The following CCDC85C variants were observed in gnomAD, a reference collection of about 807,000 sequenced individuals.
CCDC85C encodes the protein coiled-coil domain-containing protein 85C.
In CCDC85C, 18 loss-of-function variants were observed where a neutral mutation model predicts 38.3. That is an observed-to-expected ratio of 0.47 (90% confidence interval 0.33 to 0.70). CCDC85C has a LOEUF of 0.70. CCDC85C is among the 30% of genes least tolerant of loss of function. The pLI is 0.03. For synonymous variants in CCDC85C, 264 were observed against 293.8 expected, an observed-to-expected ratio of 0.90 and a Z score of 1.04; for missense variants, 566 against 621.2, an observed-to-expected ratio of 0.91 and a Z score of 0.94.
chr14:99,511,100 C>G lies in CCDC85C; in HGVS notation c.*4146G>C, dbSNP rs2139889186. 1 of 213,542 alleles carries G rather than the reference C, an allele frequency of 4.7e-6. No individual in the cohort carries two copies. Among genetic ancestry groups the G allele is most frequent in the Non-Finnish European group, 9.2e-6 (1 of 108,522 alleles). The allele number at this position is 213,542 out of a possible 1,614,324, so 13.2% of individuals were successfully genotyped here. A position where few individuals can be genotyped will look rare whatever the true frequency, so the allele number is the denominator to read the frequency against. On this transcript the variant is annotated 3_prime_UTR_variant, in exon 6 of 6. Coordinates refer to ENST00000380243, the MANE Select transcript of CCDC85C (RefSeq NM_001144995.2). Reference sequence around the variant, plus strand: ...CCAGCCATATTGGCTCAATAAATAGCTTCGGTAAGGAGTTAATTTCCTTCT... The same window carrying G: ...CCAGCCATATTGGCTCAATAAATAGGTTCGGTAAGGAGTTAATTTCCTTCT...
Position 99,511,024 on chromosome 14 carries a change from T to C in CCDC85C, c.*4222A>G. The C allele has an allele frequency of 8.5e-6, 3 of 353,234 alleles. No individual in the cohort carries two copies. The Admixed American group carries it at 1.4e-4, about 16-fold the overall frequency. 21.9% of individuals were successfully genotyped at this position (353,234 alleles called of 1,614,324 possible). On this transcript the variant is annotated 3_prime_UTR_variant, in exon 6 of 6. Transcript: ENST00000380243. The stretch of plus-strand genomic sequence containing the variant: ...TCTGACTGTGTACACTTGGTTCAGC[T>C]AATGTCTGAGAGTCCTGCACTGGGT...
chr14:99,556,143 G>C (rs899351443), intron 1 of CCDC85C, among the ~76,000 whole-genome samples: 2 of 152,256 alleles, frequency 1.3e-5, no homozygotes, highest in Admixed American at 1.3e-4. Flanking sequence ...CTCAGGCCGG[G>C]TGCAGTGGCT....
rs1052634716 is a variant in CCDC85C at position 99,513,323 on chromosome 14, GC to G, written c.*1922del. 1.3e-5 allele frequency: 2 copies of G among 152,228 alleles called. No homozygotes were observed. Among genetic ancestry groups the G allele is most frequent in the African/African-American group, 4.8e-5 (2 of 41,458 alleles). The allele number at this position is 152,228 out of a possible 1,614,324, so 9.4% of individuals were successfully genotyped here. ...TCTTTGGACTGCAAGACCCAGAGGG[GC>G]CTCTGCTCAGCTGCCCACTCGGGCA... On this transcript the variant is annotated 3_prime_UTR_variant, in exon 6 of 6. Transcript: ENST00000380243.
At chr14:99,601,324 C>T (rs896575220) in intron 1 of CCDC85C, among the ~76,000 whole-genome samples, 1 of 152,170 alleles carries the variant, frequency 6.6e-6, no homozygotes, top group Non-Finnish European at 1.5e-5. Context: ...CCCACTGACC[C>T]CCAGTGGGGT....
intron 2 of CCDC85C, among the ~76,000 whole-genome samples, chr14:99,525,669 G>A (rs1897370318): frequency 6.6e-6 from 1 of 152,244 alleles, no homozygotes; most frequent in Non-Finnish European, 1.5e-5. Context: ...GGGAGTGAGG[G>A]CTGGGGGTGC....
chr14:99,590,871 C>T (rs993841346), intron 1 of CCDC85C, among the ~76,000 whole-genome samples: 2 of 152,200 alleles, frequency 1.3e-5, no homozygotes, highest in African/African-American at 4.8e-5. Flanking sequence ...AGGAAAGCAC[C>T]ACAAGGCTGC....
chr14:99,528,480 T>C (rs1046175700), intron 2 of CCDC85C, among the ~76,000 whole-genome samples: 2 of 152,182 alleles, frequency 1.3e-5, no homozygotes, highest in Non-Finnish European at 1.5e-5. Flanking sequence ...AGACCTGCCA[T>C]GTGCCCGGCA....
rs74081957 is a variant in CCDC85C at position 99,555,975 on chromosome 14, A to G, written c.794-19887T>C. On this transcript the variant is annotated intron_variant, in intron 1 of 5. Coordinates refer to ENST00000380243, the MANE Select transcript of CCDC85C (RefSeq NM_001144995.2). ...CTGAACCTAATGACACGGAAACATC[A>G]GACAGCCCGATCGGCTGATCTTCTA... Among the ~76,000 whole-genome samples the G allele has an allele frequency of 7.9e-3, 1,210 of 152,364 alleles. 16 individuals carry two copies. Among genetic ancestry groups the G allele is most frequent in the African/African-American group, 0.028 (1,146 of 41,580 alleles).
intron 1 of CCDC85C, among the ~76,000 whole-genome samples, chr14:99,561,549 C>T (rs1407235465): frequency 3.3e-5 from 5 of 152,194 alleles, no homozygotes; most frequent in African/African-American, 4.8e-5. Context: ...CATTACTGTC[C>T]TTTGTTGGGC....
In CCDC85C at chr14:99,513,890, T is replaced by C. The variant is rs181819113; in HGVS notation, c.*1356A>G. On this transcript the variant is annotated 3_prime_UTR_variant, in exon 6 of 6. Transcript: ENST00000380243. The stretch of plus-strand genomic sequence containing the variant: ...CACATCACCCCCTCTAGGCCTTACT[T>C]TCCTCACACACACAGTTTTCTATTG... The C allele has an allele frequency of 4.1e-4, 63 of 152,388 alleles. No individual in the cohort carries two copies. Among genetic ancestry groups the C allele is most frequent in the African/African-American group, 1.4e-3 (59 of 41,576 alleles). The allele number at this position is 152,388 out of a possible 1,614,324, so 9.4% of individuals were successfully genotyped here.
intron 1 of CCDC85C, among the ~76,000 whole-genome samples, chr14:99,554,372 G>A (rs1031794967): frequency 1.3e-5 from 2 of 152,214 alleles, no homozygotes; most frequent in Non-Finnish European, 2.9e-5. Context: ...CAAGGCCTCC[G>A]CCTGAGTGTG....
rs1028529023 is a variant in CCDC85C at position 99,533,488 on chromosome 14, C to T, written c.867+2527G>A. ...TGCACTGGATGATCTCTGAATTCCG[C>T]GCCCTGGTTGTATGTAACAACAAGC... On this transcript the variant is annotated intron_variant, in intron 2 of 5. Coordinates refer to ENST00000380243, the MANE Select transcript of CCDC85C (RefSeq NM_001144995.2). This position sits in a 1 kb window ranked among gnomAD's most constrained non-coding sequence, Gnocchi z 4.2. Among the ~76,000 whole-genome samples, 1 of 152,242 alleles carries T rather than the reference C, an allele frequency of 6.6e-6. No individual in the cohort carries two copies. Among genetic ancestry groups the T allele is most frequent in the African/African-American group, 2.4e-5 (1 of 41,466 alleles).
Position 99,588,018 on chromosome 14 carries a change from G to T in CCDC85C, c.793+15149C>A, listed in dbSNP as rs991588387. Among the ~76,000 whole-genome samples the T allele has an allele frequency of 6.6e-6, 1 of 152,054 alleles. No individual in the cohort carries two copies. On this transcript the variant is annotated intron_variant, in intron 1 of 5. Transcript: ENST00000380243. The surrounding 1 kb of genome is among the most constrained non-coding windows in gnomAD (Gnocchi z 5.0). ...GGTCTCCCCTCAGCCCTTCCAGCTC[G>T]CCTGTGCCTGCCAGCCCTCACTTGA...
rs1426168832 is a variant in CCDC85C, at chr14:99,503,043, G to C, written c.*12203C>G. ...GGCTTTCCAGGTGGCGGCAACACCT[G>C]AGCACTGTTCCCATTTCTAAGCGAG... On this transcript the variant is annotated 3_prime_UTR_variant, in exon 6 of 6. Transcript: ENST00000380243. 1.9e-6 allele frequency: 3 copies of C among 1,566,924 alleles called. No homozygotes were observed. Among genetic ancestry groups the C allele is most frequent in the Non-Finnish European group, 2.6e-6 (3 of 1,137,660 alleles).
At chr14:99,566,079 G>C (rs1222536139) in intron 1 of CCDC85C, among the ~76,000 whole-genome samples, 2 of 152,254 alleles carry the variant, frequency 1.3e-5, no homozygotes, top group Admixed American at 6.5e-5. Flanking sequence ...ACATTATGGA[G>C]GGTCACAGGA....
chr14:99,522,409 G>A (rs1009255339), intron 2 of CCDC85C, 169 bp from the exon 3 acceptor site: 15 of 554,892 alleles, frequency 2.7e-5, no homozygotes, highest in African/African-American at 1.7e-4. Context: ...GGGATCAATC[G>A]ATCTTCACTC....
rs1348375876 is a variant in CCDC85C at position 99,503,283 on chromosome 14, G to A, written c.*11963C>T. On this transcript the variant is annotated 3_prime_UTR_variant, in exon 6 of 6. Coordinates refer to ENST00000380243, the MANE Select transcript of CCDC85C (RefSeq NM_001144995.2). ...TGCCGTGTCCTAGCAGTGTCGTTGT[G>A]CATGCTGCTTCTGTGCAGCTGCCTG... 6.4e-6 allele frequency: 4 copies of A among 620,574 alleles called. No homozygotes were observed. Among genetic ancestry groups the A allele is most frequent in the African/African-American group, 5.5e-5 (3 of 54,600 alleles). 38.4% of individuals were successfully genotyped at this position (620,574 alleles called of 1,614,324 possible). A position where few individuals can be genotyped will look rare whatever the true frequency, so the allele number is the denominator to read the frequency against.
chr14:99,510,047 G>A lies in CCDC85C; in HGVS notation c.*5199C>T, dbSNP rs570458815. 8.7e-5 allele frequency: 95 copies of A among 1,094,736 alleles called. No individual in the cohort carries two copies. The African/African-American group carries it at 1.3e-3, about 15-fold the overall frequency. 67.8% of individuals were successfully genotyped at this position (1,094,736 alleles called of 1,614,324 possible). A position where few individuals can be genotyped will look rare whatever the true frequency, so the allele number is the denominator to read the frequency against. ...CCATGCGTTGGGCCACAGAGGAGGC[G>A]GGCAGCTGCTCCCTGCTCCTCTGTA... is the stretch of plus-strand genomic sequence containing the variant. On this transcript the variant is annotated 3_prime_UTR_variant, in exon 6 of 6. Transcript: ENST00000380243.
chr14:99,515,214 C>T lies in CCDC85C; in HGVS notation c.*32G>A, dbSNP rs1340452420. ...TGAAACTCCCCCTGGGGACCCCCAG[C>T]AGGGCCAGTCCACGTCCACAGAAGA... On this transcript the variant is annotated 3_prime_UTR_variant, in exon 6 of 6. Transcript: ENST00000380243. 23 of 1,512,538 alleles carry T rather than the reference C, an allele frequency of 1.5e-5. No individual in the cohort carries two copies. Among genetic ancestry groups the T allele is most frequent in the Non-Finnish European group, 2.0e-5 (22 of 1,115,104 alleles). 93.7% of individuals were successfully genotyped at this position (1,512,538 alleles called of 1,614,324 possible). A position where few individuals can be genotyped will look rare whatever the true frequency, so the allele number is the denominator to read the frequency against.
Sources: allele counts gnomAD v4.1 joint callset (sites outside exome capture counted in the v4.1 genomes callset), GRCh38; gene constraint gnomAD v4.1.1; non-coding constraint Gnocchi (gnomAD v3.1); transcripts MANE v1.5; gene names NCBI Gene and HGNC (gene_info 2026-07-23, HGNC 2026-07-21).